NEGR1: variants seen among roughly 807,000 people sequenced by gnomAD.
NEGR1 encodes the protein IgLON family member 4.
NEGR1 carries 10 observed loss-of-function variants against 40.9 expected under a neutral mutation model. That is an observed-to-expected ratio of 0.24 (90% CI 0.15 to 0.42). The LOEUF (loss-of-function observed/expected upper bound fraction) is 0.42, where lower values mean the gene tolerates loss of function less well. NEGR1 is among the 10% of genes least tolerant of loss of function. The pLI is 1.00. For missense variants in NEGR1, 352 were observed against 438.9 expected (o/e 0.80, Z 1.77); for synonymous variants, 185 against 166.8 (o/e 1.11, Z -0.84).
chr1:71,743,513 T>A (rs1284254316), intron 3 of NEGR1, among the ~76,000 whole-genome samples: 1 of 152,146 alleles, frequency 6.6e-6, no homozygotes, highest in African/African-American at 2.4e-5. Flanking sequence ...CTAATGCTGA[T>A]TATGTTGAAT....
intron 6 of NEGR1, among the ~76,000 whole-genome samples, chr1:71,549,991 C>T (rs891636782): frequency 5.3e-5 from 8 of 151,604 alleles, no homozygotes; most frequent in African/African-American, 1.9e-4. Context: ...AATAAGGATG[C>T]TTCCAATGAT....
At chr1:71,765,385 A>G (rs539232775) in intron 3 of NEGR1, among the ~76,000 whole-genome samples, 1 of 152,314 alleles carries the variant, frequency 6.6e-6, no homozygotes, top group East Asian at 1.9e-4. Flanking sequence ...AAAACTTTCC[A>G]AGAGTTTGTT....
intron 6 of NEGR1, among the ~76,000 whole-genome samples, chr1:71,587,483 A>C (rs1477227358): frequency 6.6e-6 from 1 of 152,176 alleles, no homozygotes; most frequent in Non-Finnish European, 1.5e-5. Flanking sequence ...CAGAAAGTTA[A>C]AAAGCCCTGA....
intron 1 of NEGR1, among the ~76,000 whole-genome samples, chr1:72,025,341 C>T (rs1646797846): frequency 6.6e-6 from 1 of 152,106 alleles, no homozygotes; most frequent in South Asian, 2.1e-4. Context: ...CATATTAGAG[C>T]ATAGGTGTTT....
Position 72,010,030 on chromosome 1 carries a change from C to T in NEGR1, c.177-74719G>A, listed in dbSNP as rs1368887171. Among the ~76,000 whole-genome samples the T allele has an allele frequency of 2.0e-5, 3 of 152,082 alleles. No homozygotes were observed. The South Asian group carries it at 6.2e-4, about 32-fold the overall frequency. On this transcript the variant is annotated intron_variant, in intron 1 of 6. Coordinates refer to ENST00000357731, the MANE Select transcript of NEGR1 (RefSeq NM_173808.3). ...GAAGAAATGACAGGAAGAGGAACCA[C>T]TGGCAAAAAGGAGATTTAAAAATAA... is the stretch of plus-strand genomic sequence containing the variant.
At chr1:71,873,908 A>G (rs551822868) in intron 2 of NEGR1, among the ~76,000 whole-genome samples, 1 of 152,306 alleles carries the variant, frequency 6.6e-6, no homozygotes, top group Admixed American at 6.5e-5. Context: ...TACTCAAGAC[A>G]GTAGCAAAAT....
chr1:71,773,928 A>C (rs930521634), intron 3 of NEGR1, among the ~76,000 whole-genome samples: 2 of 152,220 alleles, frequency 1.3e-5, no homozygotes, highest in Admixed American at 1.3e-4. Flanking sequence ...CATAATAACA[A>C]GCACTGCAAA....
intron 6 of NEGR1, among the ~76,000 whole-genome samples, chr1:71,563,852 C>G (rs775458747): frequency 1.3e-4 from 20 of 151,702 alleles, no homozygotes; most frequent in Non-Finnish European, 2.1e-4. Context: ...GGAACTTGTC[C>G]TAGCAGGTTG....
chr1:72,093,718 C>A (rs1178331276), intron 1 of NEGR1, among the ~76,000 whole-genome samples: 1 of 152,088 alleles, frequency 6.6e-6, no homozygotes, highest in Non-Finnish European at 1.5e-5. Flanking sequence ...TATAAGCCAG[C>A]ATTTTACTAA....
At chr1:72,055,703 G>A (rs1029534116) in intron 1 of NEGR1, among the ~76,000 whole-genome samples, 8 of 149,976 alleles carry the variant, frequency 5.3e-5, no homozygotes, top group Non-Finnish European at 1.0e-4. Flanking sequence ...CAATTCAGAT[G>A]TATTTGGAAA....
At chr1:71,945,957 A>T (rs534710075) in intron 1 of NEGR1, among the ~76,000 whole-genome samples, 1 of 152,292 alleles carries the variant, frequency 6.6e-6, no homozygotes, top group African/African-American at 2.4e-5. Context: ...ACTCTAGGTT[A>T]TGATTGTGAA....
rs1256171903 is a variant in NEGR1, at chr1:71,914,572, G to GT, written c.409+20506dup. Among the ~76,000 whole-genome samples the GT allele has an allele frequency of 4.6e-5, 7 of 152,198 alleles. No individual in the cohort carries two copies. In the East Asian group the frequency reaches 1.3e-3, roughly 29 times the overall value. On this transcript the variant is annotated intron_variant, in intron 2 of 6. Transcript: ENST00000357731. Reference sequence around the variant, plus strand: ...TCACTCCCATTTACCAGAAAGTGGTGTAAGCCCCTTCTCTCTTTCCTAGAG... The same window carrying GT: ...TCACTCCCATTTACCAGAAAGTGGTGTTAAGCCCCTTCTCTCTTTCCTAGAG...
rs74086910 is a variant in NEGR1 at position 72,064,485 on chromosome 1, C to T, written c.177-129174G>A. Among the ~76,000 whole-genome samples the T allele has an allele frequency of 5.7e-3, 860 of 152,118 alleles. 7 individuals are homozygous for T. The highest frequency in any genetic ancestry group is 0.019 in the African/African-American group (808 of 41,524). The stretch of plus-strand genomic sequence containing the variant: ...TGTGCAAAAGCTTCTGTGGTTCAGC[C>T]GCTGGGATCAAATCAGAACACAGTG... On this transcript the variant is annotated intron_variant, in intron 1 of 6. Coordinates refer to ENST00000357731, the MANE Select transcript of NEGR1 (RefSeq NM_173808.3).
At chr1:71,507,967 G>T (rs978587404) in intron 6 of NEGR1, among the ~76,000 whole-genome samples, 7 of 152,100 alleles carry the variant, frequency 4.6e-5, no homozygotes, top group Admixed American at 3.3e-4. Flanking sequence ...CGCTAAAGAA[G>T]ACTTGGAATT....
intron 1 of NEGR1, among the ~76,000 whole-genome samples, chr1:72,053,934 A>C (rs1647086565): frequency 6.6e-6 from 1 of 151,078 alleles, no homozygotes; most frequent in South Asian, 2.1e-4. Flanking sequence ...GTTGAACTTA[A>C]TACTCCAAAT....
At chr1:71,825,854 G>A (rs12037610) in intron 2 of NEGR1, among the ~76,000 whole-genome samples, 52,745 of 151,656 alleles carry the variant, frequency 0.35, 9,503 homozygotes, top group East Asian at 0.63. Context: ...AAGTTAGAAC[G>A]TCTAATTTTA....
chr1:72,082,360 A>G (rs1569933197), intron 1 of NEGR1, among the ~76,000 whole-genome samples: 1 of 152,130 alleles, frequency 6.6e-6, no homozygotes, highest in Non-Finnish European at 1.5e-5. Flanking sequence ...AAAAAGAATA[A>G]TAATGTTATT....
chr1:71,672,285 T>A (rs893267925), intron 4 of NEGR1, among the ~76,000 whole-genome samples: 3 of 152,156 alleles, frequency 2.0e-5, no homozygotes, highest in African/African-American at 7.2e-5. Context: ...GAAGACAAAA[T>A]TAAATTAGAT....
At chr1:71,525,410 G>A (rs570798659) in intron 6 of NEGR1, among the ~76,000 whole-genome samples, 10 of 151,614 alleles carry the variant, frequency 6.6e-5, no homozygotes, top group Non-Finnish European at 1.3e-4. Context: ...TGGCCTCTAT[G>A]CTGGACTTGC....
Sources: allele counts gnomAD v4.1 joint callset (sites outside exome capture counted in the v4.1 genomes callset), GRCh38; gene constraint gnomAD v4.1.1; transcripts MANE v1.5; gene names NCBI Gene and HGNC (gene_info 2026-07-23, HGNC 2026-07-21).